KLF8: variants seen among roughly 807,000 people sequenced by gnomAD.
KLF8 encodes the protein KLF transcription factor 8.
In KLF8, 10 loss-of-function variants were observed where a neutral mutation model predicts 18.2. The ratio of observed to expected loss-of-function variants is 0.55; its 90% CI spans 0.34 to 0.93. KLF8 has a LOEUF of 0.93. Among genes scored for constraint, KLF8 ranks in the 40% least tolerant of loss-of-function variants. KLF8 has a pLI of 0.02. For synonymous variants in KLF8, 109 were observed against 97.3 expected (o/e 1.12, Z -0.71); for missense variants, 264 against 277.9 (o/e 0.95, Z 0.36).
At chrX:56,079,640 T>C in the KLF8 span, among the ~76,000 whole-genome samples, 3 of 111,959 alleles carry the variant, frequency 2.7e-5, no homozygotes, top group African/African-American at 9.7e-5. Context: ...TGGAGAGTTC[T>C]GTAGATGTCT....
intron 5 of KLF8, among the ~76,000 whole-genome samples, chrX:56,276,462 G>C (rs1323716166): frequency 9.0e-6 from 1 of 110,995 alleles, no homozygotes; most frequent in Admixed American, 9.6e-5. Flanking sequence ...CTCAGCTTTT[G>C]TTCATCTGGG....
At chrX:56,107,638 T>C in the KLF8 span, among the ~76,000 whole-genome samples, 1 of 111,514 alleles carries the variant, frequency 9.0e-6, no homozygotes, top group African/African-American at 3.3e-5. Flanking sequence ...CGGAGTCCCT[T>C]GCCTAGGAAA....
chrX:55,939,670 A>G, the KLF8 span, among the ~76,000 whole-genome samples: 9,418 of 111,015 alleles, frequency 0.085, 992 homozygotes, highest in African/African-American at 0.3. Context: ...CCAAATAGAC[A>G]CAATAAAAAA....
the KLF8 span, among the ~76,000 whole-genome samples, chrX:55,941,053 G>A: frequency 2.7e-4 from 30 of 111,658 alleles, no homozygotes; most frequent in African/African-American, 9.8e-4. Context: ...CCAAAAAAGA[G>A]CCCACATTGC....
chrX:56,036,374 T>A, the KLF8 span, among the ~76,000 whole-genome samples: 2 of 111,877 alleles, frequency 1.8e-5, no homozygotes, highest in Non-Finnish European at 3.8e-5. Flanking sequence ...GAGTTGGTGG[T>A]CTAGTTTTGT....
the KLF8 span, among the ~76,000 whole-genome samples, chrX:55,936,469 T>C: frequency 8.9e-6 from 1 of 112,539 alleles, no homozygotes; most frequent in African/African-American, 3.2e-5. Flanking sequence ...AGATGGGTGA[T>C]TTCTGCATTT....
chrX:55,938,338 AC>A, the KLF8 span, among the ~76,000 whole-genome samples: 3 of 111,689 alleles, frequency 2.7e-5, no homozygotes, highest in Non-Finnish European at 5.6e-5. Context: ...AGATTTTGTT[AC>A]CACCAGGCCT....
chrX:56,155,649 T>C, the KLF8 span, among the ~76,000 whole-genome samples: 1 of 111,510 alleles, frequency 9.0e-6, no homozygotes, highest in Admixed American at 9.6e-5. Context: ...TTAGAAAACA[T>C]AGTATCTTTT....
the KLF8 span, among the ~76,000 whole-genome samples, chrX:56,067,075 C>CT: frequency 5.5e-5 from 6 of 108,660 alleles, no homozygotes; most frequent in East Asian, 3.0e-4. Context: ...TGTTTTCTGT[C>CT]TTTTTTCTGT....
At chrX:56,116,252 A>T in the KLF8 span, among the ~76,000 whole-genome samples, 1 of 112,717 alleles carries the variant, frequency 8.9e-6, no homozygotes, top group Admixed American at 9.4e-5. Flanking sequence ...AACAGGTGTG[A>T]TGAGGAGGAT....
chrX:55,953,536 T>C, the KLF8 span, among the ~76,000 whole-genome samples: 3 of 110,820 alleles, frequency 2.7e-5, no homozygotes, highest in Admixed American at 2.9e-4. Flanking sequence ...AACAAACTTG[T>C]AAAGAATTTA....
the KLF8 span, among the ~76,000 whole-genome samples, chrX:56,164,579 GT>G: frequency 0.028 from 2,637 of 93,621 alleles, 52 homozygotes; most frequent in African/African-American, 0.063. Context: ...ACTTTTTCCA[GT>G]TTTTTTTTTT....
the KLF8 span, among the ~76,000 whole-genome samples, chrX:56,222,363 G>T: frequency 9.1e-6 from 1 of 110,035 alleles, no homozygotes; most frequent in Non-Finnish European, 1.9e-5. Context: ...CACCAGATTC[G>T]CTAGATACAG....
At chrX:56,138,783 T>C in the KLF8 span, among the ~76,000 whole-genome samples, 1 of 111,059 alleles carries the variant, frequency 9.0e-6, no homozygotes, top group Admixed American at 9.6e-5. Context: ...TTCTCACCAT[T>C]TCCATTCAAA....
the KLF8 span, among the ~76,000 whole-genome samples, chrX:56,201,558 C>A: frequency 9.0e-6 from 1 of 111,149 alleles, no homozygotes; most frequent in Non-Finnish European, 1.9e-5. Context: ...CTTATCAGTA[C>A]TGTATTGTAG....
At chrX:56,270,780 C>T (rs1195472324) in intron 5 of KLF8, among the ~76,000 whole-genome samples, 1 of 110,374 alleles carries the variant, frequency 9.1e-6, no homozygotes, top group African/African-American at 3.3e-5. Flanking sequence ...TTGTAATCCA[C>T]TAACCATTAA....
At chrX:56,024,356 C>A in the KLF8 span, among the ~76,000 whole-genome samples, 1 of 110,531 alleles carries the variant, frequency 9.0e-6, no homozygotes, top group Admixed American at 9.6e-5. Flanking sequence ...TACAGGCTCG[C>A]ACCACCACAC....
chrX:56,150,791 A>G, the KLF8 span, among the ~76,000 whole-genome samples: 1 of 111,788 alleles, frequency 8.9e-6, no homozygotes, highest in Non-Finnish European at 1.9e-5. Context: ...GACTAGGATT[A>G]CAGTATCTCC....
chrX:56,077,649 G>T, the KLF8 span, among the ~76,000 whole-genome samples: 34 of 111,173 alleles, frequency 3.1e-4, no homozygotes, highest in Admixed American at 5.7e-4. Context: ...CCATATGAAC[G>T]TTAAAGTAGT....
Sources: gnomAD v4.1 joint callset for allele counts (sites outside exome capture counted in the v4.1 genomes callset) on GRCh38, gnomAD v4.1.1 for gene constraint, MANE v1.5 for transcripts, NCBI Gene and HGNC (gene_info 2026-07-23, HGNC 2026-07-21) for gene names.